Variants in PLCE1 observed in about 807,000 individuals in gnomAD.
The protein encoded by PLCE1 is 1-phosphatidylinositol 4,5-bisphosphate phosphodiesterase epsilon-1.
In PLCE1, 119 loss-of-function variants were observed where a neutral mutation model predicts 242.8. That is an observed-to-expected ratio of 0.49 (90% CI 0.42 to 0.57). The LOEUF (loss-of-function observed/expected upper bound fraction) is 0.57, where lower values mean the gene tolerates loss of function less well. PLCE1 is among the 20% of genes least tolerant of loss of function. The probability of loss-of-function intolerance (pLI) is 0.00; values close to 1 mark genes in which losing one functional copy is unlikely to be tolerated. For synonymous variants in PLCE1, 945 were observed against 1,017.4 expected (o/e 0.93, Z 1.35); for missense variants, 2,441 against 2,788.8 (o/e 0.88, Z 2.81).
chr10:94,194,465 A>G (rs964765142), intron 4 of PLCE1, among the ~76,000 whole-genome samples: 3 of 152,092 alleles, frequency 2.0e-5, no homozygotes, highest in Non-Finnish European at 4.4e-5. Context: ...CCCATTAATC[A>G]CTTCATGCCC....
intron 22 of PLCE1, among the ~76,000 whole-genome samples, chr10:94,288,036 C>T (rs1366788847): frequency 6.6e-6 from 1 of 151,990 alleles, no homozygotes. Context: ...TCCTAGATAC[C>T]CAGTTGTTCC....
chr10:94,332,504 CCTGT>C lies in PLCE1; in HGVS notation c.*4562_*4565del, dbSNP rs2054171562. 1.3e-5 allele frequency: 1 copy of C among 75,708 alleles called. No homozygotes were observed. 4.7% of individuals were successfully genotyped at this position (75,708 alleles called of 1,614,324 possible). A position where few individuals can be genotyped will look rare whatever the true frequency, so the allele number is the denominator to read the frequency against. Reference sequence around the variant, plus strand: ...AATATAGCCTCAGGATATGTGTGTGCCTGTGTGTGTGTGTGTGTGTGTGTGTGTG... The same window carrying C: ...AATATAGCCTCAGGATATGTGTGTGCGTGTGTGTGTGTGTGTGTGTGTGTG... On this transcript the variant is annotated 3_prime_UTR_variant, in exon 33 of 33. Coordinates refer to ENST00000371380, the MANE Select transcript of PLCE1 (RefSeq NM_016341.4).
intron 2 of PLCE1, among the ~76,000 whole-genome samples, chr10:94,049,202 T>C (rs2043695349): frequency 6.6e-6 from 1 of 152,240 alleles, no homozygotes; most frequent in Non-Finnish European, 1.5e-5. Context: ...ATTAAAGTTT[T>C]ATGAACACTG....
chr10:94,154,340 G>A (rs1749323), intron 3 of PLCE1, among the ~76,000 whole-genome samples: 151,752 of 152,310 alleles, frequency 1, 75,600 homozygotes, highest in Middle Eastern at 1. Context: ...TCAAAGACCT[G>A]CACAGAAGAC....
chr10:94,225,401 G>T (rs964447714), intron 4 of PLCE1: 1 of 152,272 alleles, frequency 6.6e-6, no homozygotes, highest in Non-Finnish European at 1.5e-5. Flanking sequence ...GGCTGGGTGC[G>T]GTGGCTCACG....
chr10:94,273,634 T>C lies in PLCE1; in HGVS notation c.4579T>C (p.Ser1527Pro), dbSNP rs761566268. The change falls in exon 19 of 33, where the codon TCA becomes CCA. Residue 1527 changes from serine (S) to proline (P), a missense_variant. Coordinates refer to ENST00000371380, the MANE Select transcript of PLCE1 (RefSeq NM_016341.4). ...TTTCTCAGATGATCCAATGCTTCCTTCACCTGACCAACTCAGAAAGAAAGT... is the reference window on the plus strand; with the variant it reads ...TTTCTCAGATGATCCAATGCTTCCTCCACCTGACCAACTCAGAAAGAAAGT... The part of the protein sequence containing the change: ...TDFSDDPMLP[S>P]PDQLRKKVLL... The C allele has an allele frequency of 2.5e-6, 4 of 1,613,624 alleles. No homozygotes were observed. The Admixed American group carries it at 6.7e-5, about 27-fold the overall frequency.
chr10:94,310,368 C>T (rs1264963105), intron 27 of PLCE1, among the ~76,000 whole-genome samples: 1 of 152,176 alleles, frequency 6.6e-6, no homozygotes, highest in Non-Finnish European at 1.5e-5. Context: ...CCACAGCAAC[C>T]TTCACTGTAC....
At chr10:94,051,135 A>G (rs1301238372) in intron 2 of PLCE1, among the ~76,000 whole-genome samples, 2 of 152,072 alleles carry the variant, frequency 1.3e-5, no homozygotes, top group Non-Finnish European at 2.9e-5. Context: ...CATGTGACTT[A>G]GTAGTGGTTT....
intron 2 of PLCE1, chr10:94,089,318 T>C: frequency 1.9e-6 from 3 of 1,613,806 alleles, no homozygotes; most frequent in East Asian, 2.2e-5. Context: ...CTCTCTGAGG[T>C]ACCCAATTTT....
chr10:94,237,335 T>G (rs1180116086), intron 7 of PLCE1, among the ~76,000 whole-genome samples: 1 of 152,220 alleles, frequency 6.6e-6, no homozygotes, highest in Non-Finnish European at 1.5e-5. Flanking sequence ...TAAAACACCT[T>G]CAGGACTGCC....
chr10:94,216,655 ATTC>A (rs542376580), intron 4 of PLCE1, among the ~76,000 whole-genome samples: 281 of 152,152 alleles, frequency 1.8e-3, no homozygotes, highest in Non-Finnish European at 3.0e-3. Context: ...TCTCCCACAC[ATTC>A]TTCTCTAATT....
At chr10:94,273,466 C>T (rs1249722092) in intron 18 of PLCE1, 96 bp from the exon 19 acceptor site, 6 of 1,184,024 alleles carry the variant, frequency 5.1e-6, no homozygotes, top group African/African-American at 4.6e-5. Flanking sequence ...AATAATTCAA[C>T]CAGTCTAAAA....
chr10:94,145,401 CT>C (rs906114752), intron 3 of PLCE1, among the ~76,000 whole-genome samples: 2 of 152,172 alleles, frequency 1.3e-5, no homozygotes, highest in African/African-American at 4.8e-5. Flanking sequence ...AATGCTCCCC[CT>C]ACCCCATGCC....
At chr10:94,213,221 T>C (rs1257533298) in intron 4 of PLCE1, among the ~76,000 whole-genome samples, 1 of 152,216 alleles carries the variant, frequency 6.6e-6, no homozygotes, top group Non-Finnish European at 1.5e-5. Context: ...CCTAGAATTT[T>C]TGCCTTTCAT....
chr10:94,061,100 T>C (rs894613738), intron 2 of PLCE1, among the ~76,000 whole-genome samples: 37 of 152,146 alleles, frequency 2.4e-4, no homozygotes, highest in African/African-American at 8.7e-4. Flanking sequence ...AGGAGGAAAC[T>C]GTGGGGCAAG....
At chr10:94,073,467 CA>C (rs1368785367) in intron 2 of PLCE1, among the ~76,000 whole-genome samples, 1 of 152,084 alleles carries the variant, frequency 6.6e-6, no homozygotes, top group African/African-American at 2.4e-5. Context: ...GGAGGTCAGA[CA>C]GGGAAATATT....
chr10:94,043,007 G>A (rs537556274), intron 2 of PLCE1, among the ~76,000 whole-genome samples: 5 of 152,306 alleles, frequency 3.3e-5, no homozygotes, highest in African/African-American at 1.2e-4. Flanking sequence ...TGACTCAGTA[G>A]CATTTCTTTC....
intron 30 of PLCE1, among the ~76,000 whole-genome samples, chr10:94,324,038 CTT>C (rs1363458492): frequency 6.6e-6 from 1 of 152,130 alleles, no homozygotes; most frequent in Non-Finnish European, 1.5e-5. Context: ...TGGTTCAGAC[CTT>C]TATTGTTACT....
intron 2 of PLCE1, among the ~76,000 whole-genome samples, chr10:94,097,400 A>G (rs998843031): frequency 6.6e-6 from 1 of 152,126 alleles, no homozygotes; most frequent in Non-Finnish European, 1.5e-5. Context: ...CACAGAATTT[A>G]TTCATTAATA....
Sources: gnomAD v4.1 joint callset for allele counts (sites outside exome capture counted in the v4.1 genomes callset) on GRCh38, gnomAD v4.1.1 for gene constraint, MANE v1.5 for transcripts, NCBI Gene and HGNC (gene_info 2026-07-23, HGNC 2026-07-21) for gene names.